The following LRRC7 variants were observed in gnomAD, a reference collection of about 807,000 sequenced individuals.
LRRC7 encodes leucine-rich repeat-containing protein 7.
A neutral mutation model predicts 175.7 loss-of-function variants in LRRC7; 23 were observed. That is an observed-to-expected ratio of 0.13 (90% CI 0.09 to 0.19). LRRC7 has a LOEUF of 0.19. Among genes scored for constraint, LRRC7 ranks in the 10% least tolerant of loss-of-function variants. The probability of loss-of-function intolerance (pLI) is 1.00; values close to 1 mark genes in which losing one functional copy is unlikely to be tolerated. For missense variants in LRRC7, 1,354 were observed against 1,904.7 expected, an observed-to-expected ratio of 0.71 and a Z score of 5.38; for synonymous variants, 685 against 680.9, an observed-to-expected ratio of 1.01 and a Z score of -0.09.
chr1:70,060,116 G>A (rs1661462501), intron 23 of LRRC7, among the ~76,000 whole-genome samples: 1 of 152,070 alleles, frequency 6.6e-6, no homozygotes, highest in African/African-American at 2.4e-5. Flanking sequence ...CCAGGAGTTT[G>A]AGACCAGCCT....
intron 7 of LRRC7, among the ~76,000 whole-genome samples, chr1:69,857,533 CCTA>C (rs1683814301): frequency 4.0e-5 from 6 of 151,112 alleles, no homozygotes; most frequent in African/African-American, 1.2e-4. Flanking sequence ...GAATAAAATA[CCTA>C]GGAATCCAGC....
Position 70,132,052 on chromosome 1 carries a change from G to A in LRRC7, c.*10165G>A, listed in dbSNP as rs1666685768. ...AAAGAATGAGAAAGACAAAAGAAGGGCAATAGAGGACTGATACAGAGAATC... is the reference window on the plus strand; with the variant it reads ...AAAGAATGAGAAAGACAAAAGAAGGACAATAGAGGACTGATACAGAGAATC... On this transcript the variant is annotated 3_prime_UTR_variant, in exon 27 of 27. Transcript: ENST00000651989. 6.6e-6 allele frequency among the ~76,000 whole-genome samples: 1 copy of A among 152,088 alleles called. No homozygotes were observed. Among genetic ancestry groups the A allele is most frequent in the Non-Finnish European group, 1.5e-5 (1 of 68,010 alleles).
chr1:69,934,498 G>T (rs1443909543), intron 8 of LRRC7, among the ~76,000 whole-genome samples: 2 of 101,784 alleles, frequency 2.0e-5, no homozygotes, highest in Admixed American at 1.1e-4. Context: ...TTTTGGCGGG[G>T]GGGGGGCGGG....
At chr1:69,943,675 A>T (rs1397469612) in intron 8 of LRRC7, among the ~76,000 whole-genome samples, 1 of 152,050 alleles carries the variant, frequency 6.6e-6, no homozygotes, top group Non-Finnish European at 1.5e-5. Context: ...GCCCAAGTGA[A>T]CACTTTTCCA....
At chr1:69,813,135 A>G (rs988635700) in intron 4 of LRRC7, among the ~76,000 whole-genome samples, 7 of 152,108 alleles carry the variant, frequency 4.6e-5, no homozygotes, top group African/African-American at 1.7e-4. Flanking sequence ...CTTCTCATGC[A>G]CTTCTCCACA....
At chr1:69,777,576 C>T (rs983268620) in intron 3 of LRRC7, among the ~76,000 whole-genome samples, 1 of 152,178 alleles carries the variant, frequency 6.6e-6, no homozygotes, top group Non-Finnish European at 1.5e-5. Flanking sequence ...TATTCACACT[C>T]AGCAAGTGTA....
chr1:69,668,495 A>G (rs1467136943), intron 1 of LRRC7, among the ~76,000 whole-genome samples: 2 of 152,176 alleles, frequency 1.3e-5, no homozygotes, highest in African/African-American at 2.4e-5. Context: ...TTATGGAGGC[A>G]TAGTATTCCA....
chr1:70,016,576 A>G, intron 14 of LRRC7, 42 bp downstream of exon 14: 1 of 1,445,506 alleles, frequency 6.9e-7, no homozygotes, highest in South Asian at 1.4e-5. Context: ...AAGATGAACT[A>G]TAATTGAAAG....
chr1:69,747,721 A>G (rs1669408919), intron 2 of LRRC7, among the ~76,000 whole-genome samples: 2 of 152,140 alleles, frequency 1.3e-5, no homozygotes, highest in South Asian at 2.1e-4. Context: ...ATGAATCAGG[A>G]TAAGTATGTA....
intron 4 of LRRC7, among the ~76,000 whole-genome samples, chr1:69,814,470 A>G (rs1678343177): frequency 6.6e-6 from 1 of 152,170 alleles, no homozygotes. Flanking sequence ...AGAGCCAGAC[A>G]TGATACTCAG....
chr1:69,966,841 T>G (rs567850705), intron 8 of LRRC7, among the ~76,000 whole-genome samples: 1 of 152,286 alleles, frequency 6.6e-6, no homozygotes, highest in East Asian at 1.9e-4. Flanking sequence ...TTCTGCCTGG[T>G]CTCACAGGGG....
intron 1 of LRRC7, among the ~76,000 whole-genome samples, chr1:69,570,163 C>T (rs943459738): frequency 1.3e-5 from 2 of 151,944 alleles, no homozygotes; most frequent in African/African-American, 4.8e-5. Flanking sequence ...ATTTTTATAG[C>T]GTGGGCGAGA....
intron 8 of LRRC7, among the ~76,000 whole-genome samples, chr1:69,976,184 G>A (rs1014520663): frequency 6.6e-6 from 1 of 152,146 alleles, no homozygotes; most frequent in African/African-American, 2.4e-5. Flanking sequence ...ATAAAGGGGA[G>A]TTTATTAAGT....
At chr1:70,100,011 G>A (rs774538946) in intron 25 of LRRC7, among the ~76,000 whole-genome samples, 77 of 152,064 alleles carry the variant, frequency 5.1e-4, no homozygotes, top group Non-Finnish European at 9.3e-4. Context: ...CATATGACAA[G>A]CAAGTAAAAG....
At chr1:69,906,274 T>A (rs1334438176) in intron 7 of LRRC7, among the ~76,000 whole-genome samples, 3 of 152,316 alleles carry the variant, frequency 2.0e-5, no homozygotes, top group East Asian at 3.9e-4. Flanking sequence ...TTAGATCCCA[T>A]TTGTCAATTT....
chr1:69,595,571 G>T (rs988723197), intron 1 of LRRC7, among the ~76,000 whole-genome samples: 1 of 151,738 alleles, frequency 6.6e-6, no homozygotes. Flanking sequence ...TTTTTCAATA[G>T]TGGTTACTCT....
At chr1:69,865,318 T>C (rs1390235563) in intron 7 of LRRC7, among the ~76,000 whole-genome samples, 2 of 151,804 alleles carry the variant, frequency 1.3e-5, no homozygotes, top group African/African-American at 4.8e-5. Flanking sequence ...GGTTGCATGA[T>C]GCCTATCAGA....
At chr1:69,797,241 G>A (rs1675898694) in intron 4 of LRRC7, among the ~76,000 whole-genome samples, 1 of 152,144 alleles carries the variant, frequency 6.6e-6, no homozygotes, top group African/African-American at 2.4e-5. Context: ...GTAATGAGTA[G>A]CCACTAAAGT....
At chr1:69,825,678 A>C (rs1327339388) in intron 4 of LRRC7, 70 bp from the exon 5 acceptor site, 1 of 959,106 alleles carries the variant, frequency 1.0e-6, no homozygotes, top group African/African-American at 1.7e-5. Context: ...AATTATCTAA[A>C]TATTAGAACT....
Sources: gnomAD v4.1 joint callset for allele counts (sites outside exome capture counted in the v4.1 genomes callset) on GRCh38, gnomAD v4.1.1 for gene constraint, MANE v1.5 for transcripts, NCBI Gene and HGNC (gene_info 2026-07-23, HGNC 2026-07-21) for gene names.